Variants in TIAM1 observed in about 807,000 individuals in gnomAD.
TIAM1 encodes TIAM Rac1 associated GEF 1.
A neutral mutation model predicts 163.5 loss-of-function variants in TIAM1; 65 were observed. The observed-to-expected ratio is 0.40, with a 90% CI of 0.33 to 0.49. TIAM1 has a LOEUF of 0.49. Ranked by LOEUF, TIAM1 falls within the 20% of genes least tolerant of loss-of-function variation. TIAM1 has a pLI of 0.77. For synonymous variants in TIAM1, 833 were observed against 810.1 expected (o/e 1.03, Z -0.48); for missense variants, 1,789 against 2,044.7 (o/e 0.87, Z 2.41).
chr21:31,514,692 T>C (rs2047323185), intron 1 of TIAM1, among the ~76,000 whole-genome samples: 1 of 151,676 alleles, frequency 6.6e-6, no homozygotes, highest in African/African-American at 2.4e-5. Context: ...GACGCTTATC[T>C]CAAAAAAAAA....
chr21:31,217,102 G>A (rs1369269238), intron 9 of TIAM1, among the ~76,000 whole-genome samples: 1 of 152,090 alleles, frequency 6.6e-6, no homozygotes, highest in Admixed American at 6.5e-5. Context: ...AGCTACTCGG[G>A]AGGCTGAGGC....
chr21:31,459,876 T>C (rs990395143), intron 2 of TIAM1, among the ~76,000 whole-genome samples: 27 of 152,216 alleles, frequency 1.8e-4, no homozygotes, highest in Admixed American at 1.8e-3. Flanking sequence ...AAGAGCCAAC[T>C]GGAGCCGGAT....
intron 8 of TIAM1, among the ~76,000 whole-genome samples, chr21:31,222,690 TATATATATATATATATA>T (rs1245394639): frequency 2.8e-5 from 1 of 35,214 alleles, no homozygotes; most frequent in Non-Finnish European, 5.3e-5. Flanking sequence ...TATATATATA[TATATATATATATATATA>T]TTTTTTTTTT....
intron 2 of TIAM1, among the ~76,000 whole-genome samples, chr21:31,455,819 AGTG>A (rs1174403419): frequency 6.6e-6 from 1 of 152,332 alleles, no homozygotes; most frequent in East Asian, 1.9e-4. Context: ...CATCCTCAAA[AGTG>A]TTAAGGAAAA....
At chr21:31,448,012 G>C (rs561820041) in intron 2 of TIAM1, among the ~76,000 whole-genome samples, 69 of 152,226 alleles carry the variant, frequency 4.5e-4, no homozygotes, top group South Asian at 2.5e-3. Context: ...TCAGGGGTAG[G>C]GCCCGAGTTT....
intron 1 of TIAM1, among the ~76,000 whole-genome samples, chr21:31,510,459 C>T (rs902824868): frequency 6.6e-6 from 1 of 152,148 alleles, no homozygotes; most frequent in Non-Finnish European, 1.5e-5. Context: ...AATGAGGGTT[C>T]GGGATTCAAC....
chr21:31,267,013 T>A, intron 3 of TIAM1, 30 bp from the exon 4 acceptor site: 1 of 1,563,628 alleles, frequency 6.4e-7, no homozygotes, highest in Non-Finnish European at 8.7e-7. Flanking sequence ...AAGGGGAGAA[T>A]TGAGTCACTA....
intron 6 of TIAM1, among the ~76,000 whole-genome samples, chr21:31,229,809 T>C (rs2088302244): frequency 6.6e-6 from 1 of 152,136 alleles, no homozygotes; most frequent in South Asian, 2.1e-4. Flanking sequence ...CCTGCCACCA[T>C]GCCCAGCTAA....
chr21:31,548,679 G>A (rs940967248), intron 1 of TIAM1, among the ~76,000 whole-genome samples: 1 of 150,662 alleles, frequency 6.6e-6, no homozygotes, highest in African/African-American at 2.4e-5. Context: ...TCTAGAGATG[G>A]GTCTTCACCA....
At chr21:31,267,779 A>T (rs1019708055) in intron 3 of TIAM1, among the ~76,000 whole-genome samples, 10 of 152,214 alleles carry the variant, frequency 6.6e-5, no homozygotes, top group African/African-American at 1.9e-4. Context: ...TTAGCAGTAG[A>T]TTAATGGGTT....
At chr21:31,325,338 G>A (rs1231804128) in intron 2 of TIAM1, among the ~76,000 whole-genome samples, 1 of 151,290 alleles carries the variant, frequency 6.6e-6, no homozygotes, top group African/African-American at 2.4e-5. Context: ...GAAGAATCAT[G>A]GAAAGATACA....
At chr21:31,301,915 G>A (rs1400541733) in intron 2 of TIAM1, among the ~76,000 whole-genome samples, 3 of 148,722 alleles carry the variant, frequency 2.0e-5, no homozygotes, top group South Asian at 2.1e-4. Context: ...GTATATATAC[G>A]TGTAATAAAT....
Position 31,213,448 on chromosome 21 carries a change from C to G in TIAM1, c.2167G>C (p.Val723Leu), listed in dbSNP as rs1466746379. The change falls in exon 10 of 28, where the codon GTA becomes CTA. Residue 723 changes from valine to leucine, a missense_variant. Val to Leu is a conservative substitution (Grantham distance 32). Transcript: ENST00000541036. ...AATATTCCCTCTAAAGATTTCTTTA[C>G]AGCTTCGGTTCCCTCTCCAAACACC... is the stretch of plus-strand genomic sequence containing the variant. ...NQVFGEGTEA[V>L]KKSLEGIFDD... 1 of 1,613,526 alleles carries G rather than the reference C, an allele frequency of 6.2e-7. No individual in the cohort carries two copies. The highest frequency in any genetic ancestry group is 8.5e-7 in the Non-Finnish European group (1 of 1,179,942).
At position 31,271,598 on chromosome 21, in the gene TIAM1, G is replaced by T. The variant is rs1487353698; in HGVS notation, c.-11-4615C>A. Among the ~76,000 whole-genome samples the T allele has an allele frequency of 4.6e-5, 7 of 152,184 alleles. No homozygotes were observed. The East Asian group carries it at 1.3e-3, about 29-fold the overall frequency. On this transcript the variant is annotated intron_variant, in intron 3 of 27. Transcript: ENST00000541036. ...TTCCTGGGGAAAGAATTAAGGGCTTGCACCTGTCTAATTCCACTGAATTCT... is the reference window on the plus strand; with the variant it reads ...TTCCTGGGGAAAGAATTAAGGGCTTTCACCTGTCTAATTCCACTGAATTCT...
At chr21:31,222,708 T>TATATATATATA (rs1491474690) in intron 8 of TIAM1, among the ~76,000 whole-genome samples, 2 of 29,568 alleles carry the variant, frequency 6.8e-5, no homozygotes, top group African/African-American at 3.6e-4. Context: ...TATATATATA[T>TATATATATATA]TTTTTTTTTT....
At chr21:31,483,272 C>T (rs2147400014) in intron 1 of TIAM1, among the ~76,000 whole-genome samples, 1 of 152,284 alleles carries the variant, frequency 6.6e-6, no homozygotes, top group South Asian at 2.1e-4. Flanking sequence ...TTTATGAAAT[C>T]TGAGGTCTTG....
intron 1 of TIAM1, among the ~76,000 whole-genome samples, chr21:31,549,210 T>C (rs957380988): frequency 2.6e-5 from 4 of 152,236 alleles, no homozygotes; most frequent in African/African-American, 4.8e-5. Context: ...CTTTTCTTGA[T>C]CTATAACTTA....
chr21:31,187,955 TTG>T (rs1336304759), intron 13 of TIAM1, among the ~76,000 whole-genome samples: 4 of 152,180 alleles, frequency 2.6e-5, no homozygotes, highest in Non-Finnish European at 5.9e-5. Context: ...ACACATGTCA[TTG>T]TATATATCTG....
chr21:31,469,769 T>G (rs551504478), intron 1 of TIAM1, among the ~76,000 whole-genome samples: 1 of 151,946 alleles, frequency 6.6e-6, no homozygotes, highest in East Asian at 2.0e-4. Context: ...GAGGCAGAGC[T>G]TGCAGTGAGC....
Sources: gnomAD v4.1 joint callset for allele counts (sites outside exome capture counted in the v4.1 genomes callset) on GRCh38, gnomAD v4.1.1 for gene constraint, MANE v1.5 for transcripts, NCBI Gene and HGNC (gene_info 2026-07-23, HGNC 2026-07-21) for gene names.